SRPK2: variants seen among roughly 807,000 people sequenced by gnomAD.
SRPK2 encodes SRSF protein kinase 2, also known as SFRS protein kinase 2.
Under a neutral mutation model 90.8 loss-of-function variants are expected in SRPK2, and 21 were observed. The ratio of observed to expected loss-of-function variants is 0.23; its 90% CI spans 0.16 to 0.33. The LOEUF (loss-of-function observed/expected upper bound fraction) is 0.33. Among genes scored for constraint, SRPK2 ranks in the 10% least tolerant of loss-of-function variants. The pLI, the probability that SRPK2 is intolerant of heterozygous loss-of-function variation, is 1.00. For missense variants in SRPK2, 620 were observed against 869.0 expected (o/e 0.71, Z 3.60); for synonymous variants, 288 against 311.1 (o/e 0.93, Z 0.78).
downstream of SRPK2, among the ~76,000 whole-genome samples, chr7:105,114,964 A>G (rs533615194): frequency 6.6e-6 from 1 of 152,328 alleles, no homozygotes; most frequent in Non-Finnish European, 1.5e-5. Flanking sequence ...CTATCCTGAT[A>G]GTTTCAAACA....
chr7:105,293,059 AG>A (rs1809275454), intron 2 of SRPK2, among the ~76,000 whole-genome samples: 1 of 151,664 alleles, frequency 6.6e-6, no homozygotes, highest in Admixed American at 6.6e-5. Flanking sequence ...AAGGGGGAGG[AG>A]GGAGGGGGGC....
intron 2 of SRPK2, among the ~76,000 whole-genome samples, chr7:105,342,561 T>C (rs1182797881): frequency 6.6e-6 from 1 of 152,144 alleles, no homozygotes; most frequent in Non-Finnish European, 1.5e-5. Context: ...AAAGGATCTT[T>C]CCTAACATGC....
chr7:105,291,490 A>G (rs563305096), intron 2 of SRPK2, among the ~76,000 whole-genome samples: 17 of 152,166 alleles, frequency 1.1e-4, no homozygotes, highest in Non-Finnish European at 2.5e-4. Flanking sequence ...GCACTTTGTG[A>G]GGCCGAGGCA....
chr7:105,379,854 T>C (rs1820738507), intron 2 of SRPK2, among the ~76,000 whole-genome samples: 2 of 152,232 alleles, frequency 1.3e-5, no homozygotes, highest in Non-Finnish European at 2.9e-5. Context: ...GGCACGAGCC[T>C]GTACTCCCAG....
intron 2 of SRPK2, among the ~76,000 whole-genome samples, chr7:105,381,665 T>C (rs769574638): frequency 6.6e-6 from 1 of 152,152 alleles, no homozygotes. Flanking sequence ...TTCGTGTCCA[T>C]TTACTGTATT....
intron 2 of SRPK2, among the ~76,000 whole-genome samples, chr7:105,350,900 C>T (rs1041793787): frequency 5.9e-5 from 9 of 152,190 alleles, no homozygotes; most frequent in Admixed American, 5.2e-4. Context: ...TAAGAAGCCA[C>T]GTCTGCCAGC....
At chr7:105,250,217 C>A (rs375320081) in intron 2 of SRPK2, among the ~76,000 whole-genome samples, 1 of 132,284 alleles carries the variant, frequency 7.6e-6, no homozygotes, top group Non-Finnish European at 1.7e-5. Context: ...TGTAATCCCT[C>A]CCAGCTACTC....
chr7:105,171,668 C>T (rs1461197264), intron 3 of SRPK2, among the ~76,000 whole-genome samples: 1 of 152,124 alleles, frequency 6.6e-6, no homozygotes, highest in East Asian at 1.9e-4. Flanking sequence ...GGAATCTGAC[C>T]AGATACTGAG....
intron 2 of SRPK2, among the ~76,000 whole-genome samples, chr7:105,262,522 C>T (rs1201127334): frequency 6.6e-6 from 1 of 152,146 alleles, no homozygotes; most frequent in African/African-American, 2.4e-5. Context: ...ATATATTTTA[C>T]ATGATAACTT....
rs79085702 is a variant in SRPK2, at chr7:105,201,662, C to T, written c.229+1966G>A. Among the ~76,000 whole-genome samples the T allele has an allele frequency of 3.1e-3, 468 of 151,260 alleles. 14 individuals are homozygous for T. In the East Asian group the frequency reaches 0.062, roughly 20 times the overall value. On this transcript the variant is annotated intron_variant, in intron 3 of 15. Transcript: ENST00000393651. ...AAAAAAAAAAAAACTTTTCATTAAC[C>T]AGGGGTGGTGACACATGCCTGCAGT...
At chr7:105,134,146 T>C (rs1802441504) in intron 11 of SRPK2, among the ~76,000 whole-genome samples, 1 of 152,164 alleles carries the variant, frequency 6.6e-6, no homozygotes. Context: ...CTGTTCAATG[T>C]AGAACATTAA....
chr7:105,381,993 C>A, intron 2 of SRPK2, among the ~76,000 whole-genome samples: 1 of 151,958 alleles, frequency 6.6e-6, no homozygotes, highest in Admixed American at 6.6e-5. Flanking sequence ...GATGGTGAAA[C>A]CCCATCTCTA....
intron 2 of SRPK2, among the ~76,000 whole-genome samples, chr7:105,367,800 T>C (rs765191020): frequency 6.6e-6 from 1 of 152,244 alleles, no homozygotes; most frequent in African/African-American, 2.4e-5. Context: ...CAGGCTAGCA[T>C]CTACAAATAT....
intron 2 of SRPK2, among the ~76,000 whole-genome samples, chr7:105,287,153 T>C (rs1160573877): frequency 1.4e-5 from 2 of 146,728 alleles, no homozygotes; most frequent in South Asian, 2.2e-4. Flanking sequence ...CCCAGCTACT[T>C]GGGAGGCTGA....
At chr7:105,144,833 G>A (rs752212864) in intron 9 of SRPK2, among the ~76,000 whole-genome samples, 30 of 152,276 alleles carry the variant, frequency 2.0e-4, no homozygotes, top group Non-Finnish European at 3.5e-4. Context: ...CAGGCTGGGC[G>A]TGGTGGTTCA....
chr7:105,360,994 G>T (rs893607841), intron 2 of SRPK2, among the ~76,000 whole-genome samples: 6 of 152,162 alleles, frequency 3.9e-5, no homozygotes, highest in Non-Finnish European at 2.9e-5. Flanking sequence ...TCAGGCAAGA[G>T]AAAGAAATAA....
intron 13 of SRPK2, among the ~76,000 whole-genome samples, chr7:105,130,536 C>G (rs2129574636): frequency 6.6e-6 from 1 of 152,086 alleles, no homozygotes; most frequent in South Asian, 2.1e-4. Context: ...GGGAACAGAG[C>G]AAGACCTTGT....
intron 2 of SRPK2, among the ~76,000 whole-genome samples, chr7:105,227,803 C>G (rs1023947191): frequency 7.1e-6 from 1 of 141,248 alleles, no homozygotes; most frequent in Non-Finnish European, 1.5e-5. Flanking sequence ...ATATTCAGAA[C>G]ATCCAAAAAG....
chr7:105,332,935 C>T (rs1193957703), intron 2 of SRPK2: 1 of 152,102 alleles, frequency 6.6e-6, no homozygotes, highest in Non-Finnish European at 1.5e-5. Context: ...TTGGCTCACA[C>T]CTGTAATTCC....
Sources: gnomAD v4.1 joint callset for allele counts (sites outside exome capture counted in the v4.1 genomes callset) on GRCh38, gnomAD v4.1.1 for gene constraint, MANE v1.5 for transcripts, NCBI Gene and HGNC (gene_info 2026-07-23, HGNC 2026-07-21) for gene names.